The following UNC13C variants were observed in gnomAD, a reference collection of about 807,000 sequenced individuals.
The protein encoded by UNC13C is protein unc-13 homolog C.
In UNC13C, 174 loss-of-function variants were observed where a neutral mutation model predicts 245.4. The ratio of observed to expected loss-of-function variants is 0.71; its 90% CI spans 0.63 to 0.80. The LOEUF (loss-of-function observed/expected upper bound fraction) is 0.80. UNC13C is among the 30% of genes least tolerant of loss of function. The pLI is 0.00. For synonymous variants in UNC13C, 992 were observed against 895.1 expected (o/e 1.11, Z -1.93); for missense variants, 2,829 against 2,602.9 (o/e 1.09, Z -1.89).
At position 54,553,368 on chromosome 15, in the gene UNC13C, AATTAT is replaced by A. The variant is rs1017934530; in HGVS notation, c.5878-2053_5878-2049del. On this transcript the variant is annotated intron_variant, in intron 28 of 32. Coordinates refer to ENST00000260323, the MANE Select transcript of UNC13C (RefSeq NM_001080534.3). Reference sequence around the variant, plus strand: ...TATTGTAATATATAATATAATATATAATTATATTATATTATGTATTAGTATATTAT... The same window carrying A: ...TATTGTAATATATAATATAATATATAATTATATTATGTATTAGTATATTAT... 2.1e-4 allele frequency among the ~76,000 whole-genome samples: 27 copies of A among 127,620 alleles called. No homozygotes were observed. In the East Asian group the frequency reaches 2.4e-3, roughly 11 times the overall value. The allele number at this position is 127,620 out of a possible 152,430, so 83.7% of individuals were successfully genotyped here.
chr15:54,184,493 C>T (rs1332966466), intron 4 of UNC13C, among the ~76,000 whole-genome samples: 1 of 152,098 alleles, frequency 6.6e-6, no homozygotes, highest in Non-Finnish European at 1.5e-5. Flanking sequence ...GATCAATTCC[C>T]ACCTATGAGT....
the UNC13C span, among the ~76,000 whole-genome samples, chr15:53,920,514 C>T: frequency 6.6e-6 from 1 of 152,092 alleles, no homozygotes; most frequent in African/African-American, 2.4e-5. Flanking sequence ...GATTACCACA[C>T]TGCACTCCAG....
the UNC13C span, among the ~76,000 whole-genome samples, chr15:53,864,726 C>T: frequency 6.6e-4 from 101 of 152,240 alleles, no homozygotes; most frequent in Middle Eastern, 3.4e-3. Flanking sequence ...ATACCCTCTT[C>T]CTAGATTGTG....
chr15:54,069,019 A>G (rs1898199345), intron 2 of UNC13C, among the ~76,000 whole-genome samples: 1 of 152,204 alleles, frequency 6.6e-6, no homozygotes, highest in Non-Finnish European at 1.5e-5. Context: ...AAATAATTCT[A>G]GGAACACAAT....
At position 54,364,458 on chromosome 15, in the gene UNC13C, C is replaced by T. The variant is rs139078967; in HGVS notation, c.4713+25969C>T. ...ATTTGAGCAGGGTCCCAAATCAATG[C>T]TCGTTTTTCTTAGATGTAGGGAGCT... On this transcript the variant is annotated intron_variant, in intron 17 of 32. Transcript: ENST00000260323. Among the ~76,000 whole-genome samples the T allele has an allele frequency of 7.9e-4, 121 of 152,304 alleles. 2 individuals are homozygous for T. The East Asian group carries it at 0.018, about 22-fold the overall frequency.
chr15:54,484,237 C>G (rs1596462836), intron 19 of UNC13C, among the ~76,000 whole-genome samples: 1 of 152,322 alleles, frequency 6.6e-6, no homozygotes, highest in African/African-American at 2.4e-5. Context: ...TCAAACACAT[C>G]TGAATGGGTC....
the UNC13C span, among the ~76,000 whole-genome samples, chr15:53,924,324 G>C: frequency 1.3e-5 from 2 of 152,310 alleles, no homozygotes; most frequent in South Asian, 4.1e-4. Flanking sequence ...GTGTGACCTT[G>C]CAGAAACCTC....
At position 54,265,062 on chromosome 15, in the gene UNC13C, C is replaced by T. The variant is rs184488010; in HGVS notation, c.3677-293C>T. Among the ~76,000 whole-genome samples, 140 of 152,100 alleles carry T rather than the reference C, an allele frequency of 9.2e-4. 1 individual carries two copies. In the Middle Eastern group the frequency reaches 0.01, roughly 11 times the overall value. ...CATATAAGTGTAGGTGTATCTTCCT[C>T]ATTCCTCTGTACATGTATGCAGTAA... On this transcript the variant is annotated intron_variant, in intron 9 of 32. Transcript: ENST00000260323.
At chr15:54,111,272 C>T (rs999886000) in intron 2 of UNC13C, among the ~76,000 whole-genome samples, 2 of 152,196 alleles carry the variant, frequency 1.3e-5, no homozygotes, top group African/African-American at 4.8e-5. Flanking sequence ...AACATCAAAT[C>T]ATTTAAACCT....
At chr15:54,578,676 G>A (rs755939233) in intron 30 of UNC13C, among the ~76,000 whole-genome samples, 15 of 152,198 alleles carry the variant, frequency 9.9e-5, no homozygotes, top group Admixed American at 2.0e-4. Flanking sequence ...CGTCACTTGA[G>A]TCTCAGAACA....
At chr15:54,028,025 G>A (rs985467325) in intron 2 of UNC13C, among the ~76,000 whole-genome samples, 1 of 152,152 alleles carries the variant, frequency 6.6e-6, no homozygotes, top group Non-Finnish European at 1.5e-5. Context: ...ATAGGGATAA[G>A]TAGACATTGT....
chr15:54,036,597 G>C (rs1489370678), intron 2 of UNC13C, among the ~76,000 whole-genome samples: 1 of 152,164 alleles, frequency 6.6e-6, no homozygotes, highest in Non-Finnish European at 1.5e-5. Flanking sequence ...GGGAGGGATA[G>C]AGCCCAAGTA....
rs77918249 is a variant in UNC13C, at chr15:54,111,879, T to A, written c.2984-31139T>A. ...GGGAAGAATCATCAACCTTTCAAAG[T>A]TGGCATGCAAAGTCTTTGATATATA... On this transcript the variant is annotated intron_variant, in intron 2 of 32. Transcript: ENST00000260323. Among the ~76,000 whole-genome samples the A allele has an allele frequency of 2.6e-4, 39 of 152,234 alleles. 1 individual carries two copies. The East Asian group carries it at 7.0e-3, about 27-fold the overall frequency.
At chr15:53,941,301 T>G in the UNC13C span, among the ~76,000 whole-genome samples, 1 of 151,852 alleles carries the variant, frequency 6.6e-6, no homozygotes, top group Admixed American at 6.6e-5. Flanking sequence ...AAAATGAAGA[T>G]GGATTGAAGA....
intron 2 of UNC13C, among the ~76,000 whole-genome samples, chr15:54,140,734 A>T (rs142754966): frequency 6.6e-6 from 1 of 152,246 alleles, no homozygotes; most frequent in African/African-American, 2.4e-5. Flanking sequence ...ACTGAAGTTT[A>T]TGATGTGAAT....
At chr15:54,463,078 A>T (rs1891946097) in intron 19 of UNC13C, among the ~76,000 whole-genome samples, 1 of 151,642 alleles carries the variant, frequency 6.6e-6, no homozygotes, top group Admixed American at 6.6e-5. Flanking sequence ...GTGTCTAGCT[A>T]ATCTAGTGGG....
intron 17 of UNC13C, among the ~76,000 whole-genome samples, chr15:54,360,600 G>A (rs776766582): frequency 6.6e-6 from 1 of 151,968 alleles, no homozygotes; most frequent in Non-Finnish European, 1.5e-5. Flanking sequence ...TCTGATATAA[G>A]CAAAGCTACT....
At chr15:54,451,368 G>GT (rs1337502653) in intron 19 of UNC13C, among the ~76,000 whole-genome samples, 14 of 151,762 alleles carry the variant, frequency 9.2e-5, no homozygotes, top group South Asian at 8.3e-4. Context: ...TGTTAAATAG[G>GT]TTTTTTTTAT....
intron 10 of UNC13C, among the ~76,000 whole-genome samples, chr15:54,291,537 C>A (rs1346858969): frequency 6.6e-6 from 1 of 151,926 alleles, no homozygotes; most frequent in African/African-American, 2.4e-5. Context: ...TAGGCTCTAA[C>A]TTCAAAAAGA....
Sources: allele counts gnomAD v4.1 joint callset (sites outside exome capture counted in the v4.1 genomes callset), GRCh38; gene constraint gnomAD v4.1.1; transcripts MANE v1.5; gene names NCBI Gene and HGNC (gene_info 2026-07-23, HGNC 2026-07-21).